Variants in ACOT7 observed in about 807,000 individuals in gnomAD.
ACOT7 encodes the protein acyl-CoA thioesterase 7.
ACOT7 carries 12 observed loss-of-function variants against 40.2 expected under a neutral mutation model. The observed-to-expected ratio is 0.30, with a 90% CI of 0.19 to 0.48. ACOT7 has a LOEUF of 0.48. ACOT7 is among the 20% of genes least tolerant of loss of function. The pLI, the probability that ACOT7 is intolerant of heterozygous loss-of-function variation, is 0.99. For missense variants in ACOT7, 395 were observed against 530.8 expected, an observed-to-expected ratio of 0.74 and a Z score of 2.51; for synonymous variants, 228 against 219.5, an observed-to-expected ratio of 1.04 and a Z score of -0.34.
At chr1:6,328,968 G>A (rs1429926172) in intron 4 of ACOT7, among the ~76,000 whole-genome samples, 2 of 152,212 alleles carry the variant, frequency 1.3e-5, no homozygotes, top group Non-Finnish European at 2.9e-5. Context: ...ACTACCACCT[G>A]GCTGTTCTGA....
chr1:6,363,728 C>T (rs564459620), intron 1 of ACOT7, among the ~76,000 whole-genome samples: 1 of 152,268 alleles, frequency 6.6e-6, no homozygotes, highest in African/African-American at 2.4e-5. Context: ...TTACCCCTCC[C>T]CTTTTGCCTT....
intron 6 of ACOT7, among the ~76,000 whole-genome samples, chr1:6,303,915 AGG>A (rs1335215145): frequency 2.0e-5 from 3 of 152,172 alleles, no homozygotes; most frequent in African/African-American, 7.2e-5. Flanking sequence ...GAAGCAGGGA[AGG>A]GGGGAGGTCT....
At chr1:6,267,268 C>T (rs1245690736) in intron 8 of ACOT7, among the ~76,000 whole-genome samples, 1 of 152,226 alleles carries the variant, frequency 6.6e-6, no homozygotes, top group Non-Finnish European at 1.5e-5. Context: ...TCCCCAAGTG[C>T]CTGAGTCCCC....
intron 6 of ACOT7, among the ~76,000 whole-genome samples, chr1:6,303,974 A>G (rs1174556147): frequency 6.6e-6 from 1 of 152,206 alleles, no homozygotes; most frequent in Non-Finnish European, 1.5e-5. Context: ...TTTCAAAATA[A>G]GGAAGCAGAG....
chr1:6,309,760 C>A (rs571632804), intron 6 of ACOT7, among the ~76,000 whole-genome samples: 2 of 152,282 alleles, frequency 1.3e-5, no homozygotes, highest in South Asian at 4.2e-4. Flanking sequence ...TGGTCAAGTG[C>A]ATGATCCTAT....
rs1372804508 is a variant in ACOT7 at position 6,359,703 on chromosome 1, G to T, written c.144-9837C>A. Among the ~76,000 whole-genome samples, 1 of 152,208 alleles carries T rather than the reference G, an allele frequency of 6.6e-6. No homozygotes were observed. The highest frequency in any genetic ancestry group is 1.5e-5 in the Non-Finnish European group (1 of 68,036). ...GCAGGCTACAGGAGGCCCAGTGCAG[G>T]AGGCGGGATGTGTTATCACCACAAC... On this transcript the variant is annotated intron_variant, in intron 1 of 8. Coordinates refer to ENST00000361521, the MANE Select transcript of ACOT7 (RefSeq NM_007274.4). The surrounding 1 kb of genome is among the most constrained non-coding windows in gnomAD (Gnocchi z 4.1).
At chr1:6,316,262 G>C (rs534090456) in intron 6 of ACOT7, among the ~76,000 whole-genome samples, 1 of 152,172 alleles carries the variant, frequency 6.6e-6, no homozygotes, top group African/African-American at 2.4e-5. Context: ...CCTGGAATTC[G>C]AGGGAGGACA....
At chr1:6,383,797 C>T (rs938231104) in intron 1 of ACOT7, among the ~76,000 whole-genome samples, 46 of 151,660 alleles carry the variant, frequency 3.0e-4, no homozygotes, top group African/African-American at 1.0e-3. Flanking sequence ...CTCCGCCTCC[C>T]GGGTTCAAGC....
rs550562112 is a variant in ACOT7 at position 6,359,994 on chromosome 1, G to T, written c.144-10128C>A. On this transcript the variant is annotated intron_variant, in intron 1 of 8. Transcript: ENST00000361521. The surrounding 1 kb of genome is among the most constrained non-coding windows in gnomAD (Gnocchi z 4.1). ...CTGGGCTTATTCTATCTAACCAGCT[G>T]GCAGGCACTGAGCCTGGGAAGTCAC... 6.6e-6 allele frequency among the ~76,000 whole-genome samples: 1 copy of T among 152,358 alleles called. No homozygotes were observed. The highest frequency in any genetic ancestry group is 1.9e-4 in the East Asian group (1 of 5,194).
intron 1 of ACOT7, among the ~76,000 whole-genome samples, chr1:6,390,654 G>A (rs1319552525): frequency 6.6e-6 from 1 of 151,548 alleles, no homozygotes; most frequent in African/African-American, 2.4e-5. Context: ...CACACACACG[G>A]GCCAGGCGCA....
chr1:6,285,890 A>G (rs1170063881), intron 7 of ACOT7, among the ~76,000 whole-genome samples: 3 of 152,178 alleles, frequency 2.0e-5, no homozygotes, highest in Non-Finnish European at 4.4e-5. Flanking sequence ...TGCCTTGTAT[A>G]CCAGTAGTGT....
chr1:6,264,326 C>T lies in ACOT7; in HGVS notation c.*271G>A, dbSNP rs77120239. The T allele has an allele frequency of 7.8e-3, 3,618 of 463,908 alleles. 117 individuals carry two copies. The highest frequency in any genetic ancestry group is 0.064 in the African/African-American group (3,186 of 49,470). 28.7% of individuals were successfully genotyped at this position (463,908 alleles called of 1,614,324 possible). Reference sequence around the variant, plus strand: ...GCTGGGTTCTTCCCATACCCTACAGCGTGCTCGGAAGCATTCCCGAGGGTT... The same window carrying T: ...GCTGGGTTCTTCCCATACCCTACAGTGTGCTCGGAAGCATTCCCGAGGGTT... On this transcript the variant is annotated 3_prime_UTR_variant, in exon 9 of 9. Transcript: ENST00000361521.
chr1:6,303,696 C>G (rs1270946880), intron 6 of ACOT7, among the ~76,000 whole-genome samples: 1 of 152,134 alleles, frequency 6.6e-6, no homozygotes, highest in Non-Finnish European at 1.5e-5. Context: ...AATACCCCAC[C>G]CGTTAGTAAT....
chr1:6,393,406 G>A lies in ACOT7; in HGVS notation c.-7C>T, dbSNP rs1044807983. On this transcript the variant is annotated 5_prime_UTR_variant, in exon 1 of 9. Transcript: ENST00000361521. ...TGAGCCCGGGCCGCGCCATAAAGGG[G>A]GAGGGCAGAGGTGGAGCGATGGGGC... 5.7e-6 allele frequency: 7 copies of A among 1,227,702 alleles called. No individual in the cohort carries two copies. The highest frequency in any genetic ancestry group is 7.1e-6 in the Non-Finnish European group (7 of 981,126). The allele number at this position is 1,227,702 out of a possible 1,614,324, so 76.1% of individuals were successfully genotyped here.
chr1:6,390,045 A>G (rs1484450694), intron 1 of ACOT7, among the ~76,000 whole-genome samples: 1 of 152,154 alleles, frequency 6.6e-6, no homozygotes, highest in African/African-American at 2.4e-5. Context: ...GTCAGCTCAG[A>G]TGTCCTTAAA....
intron 5 of ACOT7, 62 bp from the exon 6 acceptor site, chr1:6,318,640 T>G (rs534609958): frequency 6.4e-7 from 1 of 1,552,358 alleles, no homozygotes; most frequent in Non-Finnish European, 8.8e-7. Context: ...CTGAATGGTC[T>G]GGCAATGCCG....
intron 7 of ACOT7, among the ~76,000 whole-genome samples, chr1:6,284,508 G>A (rs904316234): frequency 2.0e-5 from 3 of 147,010 alleles, no homozygotes; most frequent in South Asian, 2.1e-4. Flanking sequence ...CCCGGGAGGC[G>A]CAGGTTGCAG....
At chr1:6,293,046 C>G (rs566209222) in intron 7 of ACOT7, among the ~76,000 whole-genome samples, 1 of 151,918 alleles carries the variant, frequency 6.6e-6, no homozygotes. Context: ...CCCGCCACCA[C>G]GCCTGGCTAA....
intron 6 of ACOT7, among the ~76,000 whole-genome samples, chr1:6,303,025 G>A (rs1439296810): frequency 6.7e-6 from 1 of 150,008 alleles, no homozygotes; most frequent in Non-Finnish European, 1.5e-5. Context: ...TGCCTTGCCA[G>A]AGGGAGCCAC....
Sources: allele counts gnomAD v4.1 joint callset (sites outside exome capture counted in the v4.1 genomes callset), GRCh38; gene constraint gnomAD v4.1.1; non-coding constraint Gnocchi (gnomAD v3.1); transcripts MANE v1.5; gene names NCBI Gene and HGNC (gene_info 2026-07-23, HGNC 2026-07-21).